XNDC1N: variants seen among roughly 807,000 people sequenced by gnomAD.
XNDC1N encodes the protein protein XNDC1N.
At chr11:71,900,166 C>A in the XNDC1N span, among the ~76,000 whole-genome samples, 1 of 152,250 alleles carries the variant, frequency 6.6e-6, no homozygotes, top group Non-Finnish European at 1.5e-5. Context: ...CCTCCTACTA[C>A]ATTCGTTTTT....
chr11:71,923,251 A>AT, the XNDC1N span: 2 of 701,074 alleles, frequency 2.9e-6, no homozygotes, highest in Non-Finnish European at 2.6e-6. Flanking sequence ...CAAGACTCCT[A>AT]TTTTTTTCAC....
chr11:71,910,873 G>A, the XNDC1N span, among the ~76,000 whole-genome samples: 10 of 152,190 alleles, frequency 6.6e-5, no homozygotes, highest in East Asian at 1.9e-4. Flanking sequence ...GACAGGGACC[G>A]GGAACCTTTG....
At chr11:71,913,397 A>G in the XNDC1N span, among the ~76,000 whole-genome samples, 2 of 152,060 alleles carry the variant, frequency 1.3e-5, no homozygotes, top group East Asian at 3.9e-4. Context: ...ACGGGGGGTG[A>G]CCTTGTAAAT....
chr11:71,901,885 A>G, the XNDC1N span, among the ~76,000 whole-genome samples: 1 of 152,014 alleles, frequency 6.6e-6, no homozygotes, highest in Non-Finnish European at 1.5e-5. Flanking sequence ...GGCAAAATGA[A>G]TTTTAGATAT....
At chr11:71,927,009 G>T in the XNDC1N span, among the ~76,000 whole-genome samples, 1 of 152,138 alleles carries the variant, frequency 6.6e-6, no homozygotes, top group African/African-American at 2.4e-5. Context: ...CAACACTTTG[G>T]GAGGCGGAGG....
chr11:71,895,331 C>CA, the XNDC1N span, among the ~76,000 whole-genome samples: 4 of 151,226 alleles, frequency 2.6e-5, no homozygotes, highest in Non-Finnish European at 5.9e-5. Flanking sequence ...TTTTTTGAGT[C>CA]AGAGTTTCAC....
At chr11:71,901,696 T>A in the XNDC1N span, among the ~76,000 whole-genome samples, 1 of 152,076 alleles carries the variant, frequency 6.6e-6, no homozygotes, top group South Asian at 2.1e-4. Context: ...AGTCTGGCCA[T>A]GAATTTTGAA....
the XNDC1N span, among the ~76,000 whole-genome samples, chr11:71,879,747 C>T: frequency 6.6e-6 from 1 of 152,070 alleles, no homozygotes; most frequent in Non-Finnish European, 1.5e-5. Flanking sequence ...AAGAAGAAAT[C>T]TCTCCTCCTC....
chr11:71,865,959 A>T, the XNDC1N span: 1 of 332,770 alleles, frequency 3.0e-6, no homozygotes, highest in Non-Finnish European at 5.8e-6. Context: ...CACTATAGTA[A>T]AGAAATTATC....
the XNDC1N span, among the ~76,000 whole-genome samples, chr11:71,907,551 AT>A: frequency 1.3e-5 from 2 of 151,796 alleles, no homozygotes; most frequent in East Asian, 3.9e-4. Flanking sequence ...CCCTCTGGAG[AT>A]TTTGAACTGT....
At chr11:71,914,220 A>C in the XNDC1N span, 1 of 451,940 alleles carries the variant, frequency 2.2e-6, no homozygotes, top group South Asian at 1.6e-5. Context: ...AAAGTAAATT[A>C]AAACCTTCTG....
the XNDC1N span, among the ~76,000 whole-genome samples, chr11:71,880,235 T>A: frequency 6.6e-6 from 1 of 152,192 alleles, no homozygotes. Context: ...GATTTTAAAA[T>A]TAATTTGGGA....
At chr11:71,871,392 A>T in the XNDC1N span, among the ~76,000 whole-genome samples, 1 of 152,198 alleles carries the variant, frequency 6.6e-6, no homozygotes, top group South Asian at 2.1e-4. Context: ...AGGGATAAGG[A>T]TATCATGGTC....
At chr11:71,902,790 AG>A in the XNDC1N span, among the ~76,000 whole-genome samples, 1 of 152,246 alleles carries the variant, frequency 6.6e-6, no homozygotes, top group East Asian at 1.9e-4. Context: ...AAAATATTTG[AG>A]TTCTTAATTT....
the XNDC1N span, among the ~76,000 whole-genome samples, chr11:71,905,203 C>G: frequency 3.1e-4 from 47 of 151,540 alleles, no homozygotes; most frequent in African/African-American, 1.1e-3. Context: ...TCCCTAGGAT[C>G]TTACGAATAT....
the XNDC1N span, among the ~76,000 whole-genome samples, chr11:71,906,202 TAGG>T: frequency 6.6e-6 from 1 of 151,652 alleles, no homozygotes; most frequent in Non-Finnish European, 1.5e-5. Flanking sequence ...CCTGTGATAT[TAGG>T]AGAATCATCT....
chr11:71,885,411 C>T, the XNDC1N span, among the ~76,000 whole-genome samples: 5 of 152,238 alleles, frequency 3.3e-5, no homozygotes, highest in African/African-American at 9.6e-5. Context: ...CCATCTCACA[C>T]GGGGGTGTAC....
chr11:71,919,839 G>C, the XNDC1N span, among the ~76,000 whole-genome samples: 1 of 144,120 alleles, frequency 6.9e-6, no homozygotes, highest in East Asian at 2.1e-4. Flanking sequence ...GGATGGTCTC[G>C]ATCTCCTGAC....
At chr11:71,870,363 C>T in the XNDC1N span, among the ~76,000 whole-genome samples, 12 of 152,128 alleles carry the variant, frequency 7.9e-5, no homozygotes, top group South Asian at 1.0e-3. Context: ...CTCATTACTC[C>T]GGGGCTGTGT....
Sources: allele counts gnomAD v4.1 joint callset (sites outside exome capture counted in the v4.1 genomes callset), GRCh38; gene constraint gnomAD v4.1.1; transcripts MANE v1.5; gene names NCBI Gene and HGNC (gene_info 2026-07-23, HGNC 2026-07-21).